RSPO4: variants seen among roughly 807,000 people sequenced by gnomAD.
RSPO4 encodes the protein R-spondin 4, also known as R-spondin-4.
A neutral mutation model predicts 24.8 loss-of-function variants in RSPO4; 23 were observed. The observed-to-expected ratio is 0.93, with a 90% confidence interval of 0.67 to 1.31. The LOEUF (loss-of-function observed/expected upper bound fraction) is 1.31, where lower values mean the gene tolerates loss of function less well. Among genes scored for constraint, RSPO4 ranks in the 40% most tolerant of loss-of-function variants. RSPO4 has a pLI of 0.00. For synonymous variants in RSPO4, 141 were observed against 127.4 expected, an observed-to-expected ratio of 1.11 and a Z score of -0.72; for missense variants, 333 against 316.5, an observed-to-expected ratio of 1.05 and a Z score of -0.39.
intron 4 of RSPO4, among the ~76,000 whole-genome samples, chr20:961,690 G>C (rs1984003257): frequency 6.6e-6 from 1 of 152,130 alleles, no homozygotes; most frequent in Non-Finnish European, 1.5e-5. Context: ...TGCCGGCTCT[G>C]ATGTGGGGGT....
At chr20:988,368 G>A (rs912927551) in intron 1 of RSPO4, among the ~76,000 whole-genome samples, 4 of 152,150 alleles carry the variant, frequency 2.6e-5, no homozygotes, top group African/African-American at 4.8e-5. Flanking sequence ...GGGAGCTCAG[G>A]GTGTATGGGC....
chr20:992,514 A>G (rs372318534), intron 1 of RSPO4, among the ~76,000 whole-genome samples: 1 of 152,014 alleles, frequency 6.6e-6, no homozygotes, highest in Non-Finnish European at 1.5e-5. Flanking sequence ...CGTTCTGTAC[A>G]CTAGGAAGAG....
At chr20:982,232 G>A (rs1254948142) in intron 1 of RSPO4, among the ~76,000 whole-genome samples, 1 of 152,158 alleles carries the variant, frequency 6.6e-6, no homozygotes, top group Non-Finnish European at 1.5e-5. Flanking sequence ...CAGGAACACA[G>A]AACTGTCACA....
intron 1 of RSPO4, among the ~76,000 whole-genome samples, chr20:988,322 C>T (rs1164964671): frequency 2.0e-5 from 3 of 152,106 alleles, no homozygotes; most frequent in Non-Finnish European, 4.4e-5. Flanking sequence ...TTCTCTGGTG[C>T]TGAGGGGAAT....
chr20:993,845 C>G (rs1390031029), intron 1 of RSPO4, among the ~76,000 whole-genome samples: 1 of 152,152 alleles, frequency 6.6e-6, no homozygotes, highest in Non-Finnish European at 1.5e-5. Context: ...TAATAACAGG[C>G]CCCTCAGAGG....
At position 998,922 on chromosome 20, in the gene RSPO4, T is replaced by G. The variant is rs563612404; in HGVS notation, c.79+3164A>C. 5.9e-5 allele frequency among the ~76,000 whole-genome samples: 9 copies of G among 151,828 alleles called. No homozygotes were observed. The South Asian group carries it at 1.7e-3, about 28-fold the overall frequency. On this transcript the variant is annotated intron_variant, in intron 1 of 4. Transcript: ENST00000217260. ...TTGTGTACAGAATTTTCCAAGCAGATGCCTTATGAGAAATGGTCTCTGATG... is the reference window on the plus strand; with the variant it reads ...TTGTGTACAGAATTTTCCAAGCAGAGGCCTTATGAGAAATGGTCTCTGATG...
chr20:992,288 C>T (rs112101290), intron 1 of RSPO4, among the ~76,000 whole-genome samples: 6,977 of 122,576 alleles, frequency 0.057, 251 homozygotes, highest in Middle Eastern at 0.15. Flanking sequence ...TTTTTTGAGA[C>T]GGAGTTTCGC....
chr20:996,588 G>A (rs746905481), intron 1 of RSPO4, among the ~76,000 whole-genome samples: 19 of 152,142 alleles, frequency 1.2e-4, no homozygotes, highest in Non-Finnish European at 1.9e-4. Flanking sequence ...CACCACATAC[G>A]ATCTGTTGCC....
chr20:982,409 T>C lies in RSPO4; in HGVS notation c.80-14271A>G, dbSNP rs541344546. Among the ~76,000 whole-genome samples, 21 of 152,368 alleles carry C rather than the reference T, an allele frequency of 1.4e-4. No homozygotes were observed. In the East Asian group the frequency reaches 3.7e-3, roughly 27 times the overall value. On this transcript the variant is annotated intron_variant, in intron 1 of 4. Transcript: ENST00000217260. ...AACTGCCATGAAGTTGTCAAGCATATGCAGTTGCCACTCATTTGAAAAACT... is the reference window on the plus strand; with the variant it reads ...AACTGCCATGAAGTTGTCAAGCATACGCAGTTGCCACTCATTTGAAAAACT...
At chr20:1,001,705 G>A (rs781512893) in intron 1 of RSPO4, among the ~76,000 whole-genome samples, 69 of 152,136 alleles carry the variant, frequency 4.5e-4, no homozygotes, top group East Asian at 1.9e-4. Flanking sequence ...CTTCCTGGCC[G>A]AGCATGGATG....
At chr20:1,001,612 T>C (rs1985464654) in intron 1 of RSPO4, among the ~76,000 whole-genome samples, 1 of 152,120 alleles carries the variant, frequency 6.6e-6, no homozygotes. Context: ...CACTGCCCTC[T>C]GGGAGGTGAC....
chr20:985,574 T>G lies in RSPO4; in HGVS notation c.79+16512A>C, dbSNP rs984481189. Among the ~76,000 whole-genome samples, 3 of 152,194 alleles carry G rather than the reference T, an allele frequency of 2.0e-5. No individual in the cohort carries two copies. The South Asian group carries it at 6.2e-4, about 32-fold the overall frequency. ...ACTAGGTGCTCTGTAAAATGTTTAT[T>G]GGATGTAAGAATGAATAGGACATAT... On this transcript the variant is annotated intron_variant, in intron 1 of 4. Transcript: ENST00000217260.
chr20:991,714 T>TA (rs1226719169), intron 1 of RSPO4, among the ~76,000 whole-genome samples: 1 of 151,158 alleles, frequency 6.6e-6, no homozygotes, highest in Non-Finnish European at 1.5e-5. Flanking sequence ...TCCATTCAAA[T>TA]AAAAAATACA....
chr20:1,001,006 T>G (rs143896096), intron 1 of RSPO4, among the ~76,000 whole-genome samples: 1 of 152,200 alleles, frequency 6.6e-6, no homozygotes, highest in Admixed American at 6.5e-5. Context: ...CTCATTTTCC[T>G]TCCCCTTTAT....
At chr20:977,502 A>G (rs946229376) in intron 1 of RSPO4, among the ~76,000 whole-genome samples, 1 of 152,140 alleles carries the variant, frequency 6.6e-6, no homozygotes, top group Non-Finnish European at 1.5e-5. Context: ...GCGGGTCTCC[A>G]TGACATCACT....
Position 981,460 on chromosome 20 carries a change from G to T in RSPO4, c.80-13322C>A, listed in dbSNP as rs992950357. ...GAAACGCTTGAATCCAGGATGCGGA[G>T]GTTGCATGAGCCAAGATTGCACCAC... On this transcript the variant is annotated intron_variant, in intron 1 of 4. Transcript: ENST00000217260. This position sits in a 1 kb window ranked among gnomAD's most constrained non-coding sequence, Gnocchi z 4.6. 3.3e-5 allele frequency among the ~76,000 whole-genome samples: 5 copies of T among 152,314 alleles called. No homozygotes were observed. The East Asian group carries it at 9.7e-4, about 29-fold the overall frequency.
intron 1 of RSPO4, among the ~76,000 whole-genome samples, chr20:973,044 G>T (rs1004987195): frequency 7.9e-5 from 12 of 152,260 alleles, no homozygotes; most frequent in African/African-American, 2.9e-4. Flanking sequence ...AATCAAGGAG[G>T]TGAAACGACA....
rs549138091 is a variant in RSPO4, at chr20:960,300, C to A, written c.*57G>T. 1 of 1,065,438 alleles carries A rather than the reference C, an allele frequency of 9.4e-7. No individual in the cohort carries two copies. Among genetic ancestry groups the A allele is most frequent in the Non-Finnish European group, 1.4e-6 (1 of 717,260 alleles). The allele number at this position is 1,065,438 out of a possible 1,614,324, so 66.0% of individuals were successfully genotyped here. A position where few individuals can be genotyped will look rare whatever the true frequency, so the allele number is the denominator to read the frequency against. On this transcript the variant is annotated 3_prime_UTR_variant, in exon 5 of 5. Coordinates refer to ENST00000217260, the MANE Select transcript of RSPO4 (RefSeq NM_001029871.4). ...AGTAAGAGGAGAGGAGGAGAAGGAGCAGGAGGAGGTGTGCAGGGGCCGAGG... is the reference window on the plus strand; with the variant it reads ...AGTAAGAGGAGAGGAGGAGAAGGAGAAGGAGGAGGTGTGCAGGGGCCGAGG...
intron 1 of RSPO4, among the ~76,000 whole-genome samples, chr20:988,121 G>A (rs1308386402): frequency 3.3e-5 from 5 of 152,220 alleles, no homozygotes; most frequent in South Asian, 2.1e-4. Flanking sequence ...GGCAAAGAAC[G>A]TGGTGTGGAA....
Sources: gnomAD v4.1 joint callset for allele counts (sites outside exome capture counted in the v4.1 genomes callset) on GRCh38, gnomAD v4.1.1 for gene constraint, Gnocchi (gnomAD v3.1) non-coding constraint, MANE v1.5 for transcripts, NCBI Gene and HGNC (gene_info 2026-07-23, HGNC 2026-07-21) for gene names.